TMPRSS9: variants seen among roughly 807,000 people sequenced by gnomAD.
TMPRSS9 encodes transmembrane serine protease 9, also known as transmembrane protease serine 9.
TMPRSS9 carries 113 observed loss-of-function variants against 111.4 expected under a neutral mutation model. That is an observed-to-expected ratio of 1.01 (90% CI 0.87 to 1.19). The LOEUF is 1.19. Among genes scored for constraint, TMPRSS9 ranks in the 50% most tolerant of loss-of-function variants. The probability of loss-of-function intolerance (pLI) is 0.00; values close to 1 mark genes in which losing one functional copy is unlikely to be tolerated. For missense variants in TMPRSS9, 1,803 were observed against 1,513.1 expected (o/e 1.19, Z -3.18); for synonymous variants, 805 against 659.1 (o/e 1.22, Z -3.39).
chr19:2,426,252 C>T, downstream of TMPRSS9: 3 of 377,646 alleles, frequency 7.9e-6, no homozygotes, highest in Non-Finnish European at 1.1e-5. Context: ...AACACAGCCC[C>T]TCCACCCTAG....
intron 9 of TMPRSS9, among the ~76,000 whole-genome samples, 184 bp downstream of exon 10, chr19:2,410,578 T>C (rs1971074944): frequency 6.6e-6 from 1 of 152,148 alleles, no homozygotes; most frequent in Non-Finnish European, 1.5e-5. Flanking sequence ...ATGCCCGTTC[T>C]TGAGGAATTT....
exon 8 of TMPRSS9, chr19:2,408,593 C>G: frequency 3.7e-6 from 6 of 1,613,306 alleles, no homozygotes; most frequent in Non-Finnish European, 5.1e-6. Flanking sequence ...GCAAGAAGTG[C>G]CTGATCTCAG....
At chr19:2,374,248 CTTTT>C (rs1027376774) in intron 1 of TMPRSS9, among the ~76,000 whole-genome samples, 108 of 70,378 alleles carry the variant, frequency 1.5e-3, no homozygotes, top group Non-Finnish European at 2.0e-3. Flanking sequence ...TCTCAACAAT[CTTTT>C]TTTTTTTTTT....
chr19:2,423,255 A>G (rs1164758511), intron 14 of TMPRSS9, among the ~76,000 whole-genome samples: 1 of 151,708 alleles, frequency 6.6e-6, no homozygotes, highest in African/African-American at 2.4e-5. Context: ...TTTGGGCCCA[A>G]AAGAGGTGGA....
intron 1 of TMPRSS9, among the ~76,000 whole-genome samples, chr19:2,390,378 G>A (rs1970563616): frequency 7.3e-5 from 11 of 149,872 alleles, no homozygotes; most frequent in Admixed American, 7.3e-4. Flanking sequence ...CGAGTAGCTG[G>A]GACTACAGGC....
chr19:2,417,030 GTT>G (rs1971255866), intron 12 of TMPRSS9, among the ~76,000 whole-genome samples: 1 of 152,168 alleles, frequency 6.6e-6, no homozygotes, highest in African/African-American at 2.4e-5. Flanking sequence ...TATAAACAAA[GTT>G]TTATTGGAAC....
chr19:2,399,184 G>A (rs1970775322), exon 4 of TMPRSS9: 5 of 1,598,734 alleles, frequency 3.1e-6, no homozygotes, highest in Non-Finnish European at 4.3e-6. Flanking sequence ...TGTGTCGGCT[G>A]AGCTCACAGG....
chr19:2,412,388 A>G (rs139734823), intron 9 of TMPRSS9, among the ~76,000 whole-genome samples: 1 of 152,148 alleles, frequency 6.6e-6, no homozygotes, highest in African/African-American at 2.4e-5. Context: ...TGAGTGACAG[A>G]GTGAGACGCC....
intron 1 of TMPRSS9, among the ~76,000 whole-genome samples, chr19:2,363,057 G>A (rs1303480784): frequency 1.3e-5 from 2 of 152,184 alleles, no homozygotes; most frequent in African/African-American, 4.8e-5. Context: ...TGGGGTAATT[G>A]GGCCCTGCAG....
chr19:2,385,123 G>A (rs1970448686), upstream of TMPRSS9, among the ~76,000 whole-genome samples: 1 of 148,222 alleles, frequency 6.7e-6, no homozygotes, highest in Non-Finnish European at 1.5e-5. Flanking sequence ...GTGAGAAGGG[G>A]TCACAGCCGG....
At chr19:2,378,935 A>G (rs977953501) in intron 1 of TMPRSS9, among the ~76,000 whole-genome samples, 1 of 152,100 alleles carries the variant, frequency 6.6e-6, no homozygotes, top group African/African-American at 2.4e-5. Flanking sequence ...AGAACTCACT[A>G]TTATGAGAAC....
At chr19:2,366,762 CAGG>C (rs1261326137) in intron 1 of TMPRSS9, among the ~76,000 whole-genome samples, 2 of 147,124 alleles carry the variant, frequency 1.4e-5, no homozygotes, top group Non-Finnish European at 1.5e-5. Context: ...GAGGCGGAGG[CAGG>C]AGAATGGCGT....
chr19:2,361,785 T>A (rs1459328656), intron 1 of TMPRSS9, among the ~76,000 whole-genome samples: 3 of 152,212 alleles, frequency 2.0e-5, no homozygotes, highest in Non-Finnish European at 4.4e-5. Context: ...TGCCAGAGGT[T>A]TTGGGGACTT....
At chr19:2,400,709 C>T (rs1460695333) in intron 4 of TMPRSS9, among the ~76,000 whole-genome samples, 2 of 151,262 alleles carry the variant, frequency 1.3e-5, no homozygotes, top group African/African-American at 4.9e-5. Context: ...TGTGGTGGCT[C>T]ATGCCTGTAA....
At chr19:2,401,056 C>T (rs1405105512) in intron 4 of TMPRSS9, among the ~76,000 whole-genome samples, 1 of 150,378 alleles carries the variant, frequency 6.6e-6, no homozygotes, top group African/African-American at 2.5e-5. Flanking sequence ...GGGCAGATCA[C>T]AAGGTCAGGA....
intron 13 of TMPRSS9, among the ~76,000 whole-genome samples, chr19:2,419,410 G>A (rs1971413123): frequency 6.6e-6 from 1 of 151,412 alleles, no homozygotes; most frequent in African/African-American, 2.4e-5. Flanking sequence ...CACTATGTTG[G>A]CCAGGATGGT....
At chr19:2,403,111 G>A (rs530593451) in exon 6 of TMPRSS9, 94 of 1,612,104 alleles carry the variant, frequency 5.8e-5, no homozygotes, top group Non-Finnish European at 3.6e-5. Context: ...CTTTTCCTGC[G>A]GGAACAGCCA....
rs1156661751 is a variant in TMPRSS9, at chr19:2,418,156, G to A, written c.2154+18G>A. 3.1e-6 allele frequency: 5 copies of A among 1,594,106 alleles called. No homozygotes were observed. Among genetic ancestry groups the A allele is most frequent in the African/African-American group, 2.7e-5 (2 of 73,256 alleles). ...CCTGCCAGGTAAGCATTCAAAGGGG[G>A]AAAGCGGGCAATATTTCCATGAAAT... On this transcript the variant is annotated intron_variant, in intron 13 of 17. Coordinates refer to ENST00000648592, the Ensembl canonical transcript of TMPRSS9.
In TMPRSS9 at chr19:2,374,264, T is replaced by A. The variant is rs1285787378; in HGVS notation, c.-26+13904T>A. On this transcript the variant is annotated intron_variant, in intron 1 of 17. Transcript: ENST00000649857. ...CTCAACAATCTTTTTTTTTTTTTTTTTTTTTTTTTTTTTTTTTTTTTAAAG... is the reference window on the plus strand; with the variant it reads ...CTCAACAATCTTTTTTTTTTTTTTTATTTTTTTTTTTTTTTTTTTTTAAAG... Among the ~76,000 whole-genome samples the A allele has an allele frequency of 3.7e-5, 4 of 107,008 alleles. No homozygotes were observed. The South Asian group carries it at 1.2e-3, about 31-fold the overall frequency. 70.2% of individuals were successfully genotyped at this position (107,008 alleles called of 152,430 possible).
Sources: allele counts gnomAD v4.1 joint callset (sites outside exome capture counted in the v4.1 genomes callset), GRCh38; gene constraint gnomAD v4.1.1; transcripts MANE v1.5; gene names NCBI Gene and HGNC (gene_info 2026-07-23, HGNC 2026-07-21).